The following NFATC1 variants were observed in gnomAD, a reference collection of about 807,000 sequenced individuals.
NFATC1 encodes nuclear factor of activated T-cells, cytoplasmic 1.
Under a neutral mutation model 76.0 loss-of-function variants are expected in NFATC1, and 22 were observed. The ratio of observed to expected loss-of-function variants is 0.29; its 90% CI spans 0.21 to 0.41. NFATC1 has a LOEUF of 0.41. Ranked by LOEUF, NFATC1 falls within the 10% of genes least tolerant of loss-of-function variation. The probability of loss-of-function intolerance (pLI) is 1.00; values close to 1 mark genes in which losing one functional copy is unlikely to be tolerated. For missense variants in NFATC1, 1,357 were observed against 1,337.7 expected, an observed-to-expected ratio of 1.01 and a Z score of -0.23; for synonymous variants, 704 against 613.1, an observed-to-expected ratio of 1.15 and a Z score of -2.19.
In NFATC1 at chr18:79,439,829, C is replaced by T. The variant is rs12606110; in HGVS notation, c.1386+6091C>T. ...GTTTTGAGCGATGGGGACAGATGCT[C>T]GGTGCTGCTGGGAAGGTGTTCACGG... On this transcript the variant is annotated intron_variant, in intron 3 of 9. Coordinates refer to ENST00000427363, the MANE Select transcript of NFATC1 (RefSeq NM_001278669.2). 7.4e-3 allele frequency among the ~76,000 whole-genome samples: 1,121 copies of T among 152,296 alleles called. 71 individuals carry two copies. In the East Asian group the frequency reaches 0.14, roughly 19 times the overall value.
chr18:79,399,077 A>AC (rs1287544632), intron 1 of NFATC1, among the ~76,000 whole-genome samples: 1 of 152,286 alleles, frequency 6.6e-6, no homozygotes, highest in Non-Finnish European at 1.5e-5. Context: ...AAACAAACAA[A>AC]AACCTGTACA....
At chr18:79,402,620 G>A (rs1448890870) in intron 1 of NFATC1, among the ~76,000 whole-genome samples, 1 of 152,192 alleles carries the variant, frequency 6.6e-6, no homozygotes, top group East Asian at 1.9e-4. Flanking sequence ...AGGAGTTGGG[G>A]CTCCGAGCAG....
At chr18:79,424,503 C>A (rs140026385) in intron 2 of NFATC1, among the ~76,000 whole-genome samples, 111 of 152,082 alleles carry the variant, frequency 7.3e-4, no homozygotes, top group Non-Finnish European at 1.3e-3. Context: ...CTGTCTCTCT[C>A]CGTCTCTGTC....
At chr18:79,401,443 C>T (rs932758426) in intron 1 of NFATC1, among the ~76,000 whole-genome samples, 3 of 152,082 alleles carry the variant, frequency 2.0e-5, no homozygotes, top group African/African-American at 7.2e-5. Flanking sequence ...TCACCACTCC[C>T]CAAATGTCTT....
At position 79,476,252 on chromosome 18, in the gene NFATC1, C is replaced by T. The variant is rs187708243; in HGVS notation, c.2092+8670C>T. 2.5e-4 allele frequency among the ~76,000 whole-genome samples: 38 copies of T among 152,360 alleles called. No individual in the cohort carries two copies. In the East Asian group the frequency reaches 5.8e-3, roughly 23 times the overall value. On this transcript the variant is annotated intron_variant, in intron 8 of 9. Transcript: ENST00000427363. ...CTGTCCACGTGCAGCCGCCTCCGGG[C>T]GGCGTCGGCCATGCTGCTGCCCCAC...
chr18:79,518,583 A>G (rs2090441655), intron 9 of NFATC1, among the ~76,000 whole-genome samples: 1 of 152,226 alleles, frequency 6.6e-6, no homozygotes, highest in Non-Finnish European at 1.5e-5. Flanking sequence ...TCAGCCATAT[A>G]GAAAACAGAC....
At chr18:79,402,737 C>T (rs2085309960) in intron 1 of NFATC1, among the ~76,000 whole-genome samples, 1 of 152,208 alleles carries the variant, frequency 6.6e-6, no homozygotes, top group African/African-American at 2.4e-5. Flanking sequence ...ATTGTGTTTT[C>T]CCGTGAGACA....
At chr18:79,503,100 G>A (rs1417797434) in intron 9 of NFATC1, among the ~76,000 whole-genome samples, 1 of 152,182 alleles carries the variant, frequency 6.6e-6, no homozygotes, top group Admixed American at 6.5e-5. Flanking sequence ...GAGGAAAGGT[G>A]GGGTTTATCC....
At chr18:79,496,110 ACT>A (rs770523448) in intron 9 of NFATC1, 5 of 152,360 alleles carry the variant, frequency 3.3e-5, no homozygotes, top group Non-Finnish European at 5.9e-5. Context: ...GTGTAGATGC[ACT>A]CTGTTTTCCT....
chr18:79,396,051 C>G lies in NFATC1; in HGVS notation c.-174C>G. On this transcript the variant is annotated 5_prime_UTR_variant, in exon 1 of 10. Coordinates refer to ENST00000427363, the MANE Select transcript of NFATC1 (RefSeq NM_001278669.2). ...CGGAGCCACCGCGCAGGTCCTAGGG[C>G]CGCGGCCGGGCCCCGCCACGCGCGC... The G allele has an allele frequency of 1.3e-6, 1 of 753,010 alleles. No homozygotes were observed. Among genetic ancestry groups the G allele is most frequent in the Non-Finnish European group, 1.7e-6 (1 of 583,256 alleles). 46.6% of individuals were successfully genotyped at this position (753,010 alleles called of 1,614,324 possible). A position where few individuals can be genotyped will look rare whatever the true frequency, so the allele number is the denominator to read the frequency against.
At chr18:79,445,577 A>C (rs8096748) in intron 3 of NFATC1, among the ~76,000 whole-genome samples, 2 of 152,252 alleles carry the variant, frequency 1.3e-5, no homozygotes, top group East Asian at 3.9e-4. Context: ...CAATCTCTCA[A>C]ATTAATCCAG....
intron 4 of NFATC1, among the ~76,000 whole-genome samples, chr18:79,450,475 A>G (rs1226138925): frequency 6.7e-6 from 1 of 150,186 alleles, no homozygotes; most frequent in Non-Finnish European, 1.5e-5. Context: ...ATTGTAAATG[A>G]TAATAATAAA....
chr18:79,516,589 G>A lies in NFATC1; in HGVS notation c.2783-10939G>A, dbSNP rs144612996. Reference sequence around the variant, plus strand: ...AGTGTCGGACAGTTTAGGGTGGACCGAGGAGGCCGTGGTGGAGGCTTCATG... The same window carrying A: ...AGTGTCGGACAGTTTAGGGTGGACCAAGGAGGCCGTGGTGGAGGCTTCATG... On this transcript the variant is annotated intron_variant, in intron 9 of 9. Coordinates refer to ENST00000427363, the MANE Select transcript of NFATC1 (RefSeq NM_001278669.2). Among the ~76,000 whole-genome samples the A allele has an allele frequency of 2.6e-3, 394 of 152,300 alleles. 1 individual carries two copies. Among genetic ancestry groups the A allele is most frequent in the African/African-American group, 8.8e-3 (365 of 41,580 alleles).
intron 2 of NFATC1, among the ~76,000 whole-genome samples, chr18:79,430,644 A>G (rs1455615971): frequency 6.6e-6 from 1 of 152,216 alleles, no homozygotes; most frequent in East Asian, 1.9e-4. Context: ...CGGCCTCCCA[A>G]AGTGCTGGGA....
intron 2 of NFATC1, among the ~76,000 whole-genome samples, chr18:79,427,278 G>C (rs1053477895): frequency 1.7e-4 from 26 of 152,182 alleles, no homozygotes; most frequent in Non-Finnish European, 7.3e-5. Context: ...AATGGACCCA[G>C]GGAAGGGGGA....
chr18:79,517,664 G>A (rs149430364), intron 9 of NFATC1, among the ~76,000 whole-genome samples: 316 of 152,338 alleles, frequency 2.1e-3, no homozygotes, highest in African/African-American at 7.1e-3. Context: ...AGGACGTTCT[G>A]ATGTCTGATA....
chr18:79,511,477 G>A (rs767199131), intron 9 of NFATC1, among the ~76,000 whole-genome samples: 5 of 152,220 alleles, frequency 3.3e-5, no homozygotes, highest in African/African-American at 7.2e-5. Context: ...GGTGGCTTCC[G>A]TTAAGCCAGG....
At chr18:79,477,539 A>G (rs1166839313) in intron 8 of NFATC1, among the ~76,000 whole-genome samples, 2 of 151,634 alleles carry the variant, frequency 1.3e-5, no homozygotes, top group Non-Finnish European at 2.9e-5. Context: ...TGGGGCTTCC[A>G]TGGTGGAGCA....
intron 3 of NFATC1, among the ~76,000 whole-genome samples, chr18:79,438,215 GC>G (rs2144696243): frequency 6.6e-6 from 1 of 152,280 alleles, no homozygotes; most frequent in African/African-American, 2.4e-5. Flanking sequence ...CTTCCCTCCT[GC>G]TCTCTTTGCC....
Sources: allele counts gnomAD v4.1 joint callset (sites outside exome capture counted in the v4.1 genomes callset), GRCh38; gene constraint gnomAD v4.1.1; transcripts MANE v1.5; gene names NCBI Gene and HGNC (gene_info 2026-07-23, HGNC 2026-07-21).